The following MET variants were observed in gnomAD, a reference collection of about 807,000 sequenced individuals.
MET encodes the protein MET proto-oncogene, receptor tyrosine kinase.
A neutral mutation model predicts 133.1 loss-of-function variants in MET; 48 were observed. The observed-to-expected ratio is 0.36, with a 90% CI of 0.29 to 0.46. The LOEUF (loss-of-function observed/expected upper bound fraction) is 0.46. MET is among the 20% of genes least tolerant of loss of function. The pLI is 1.00. For synonymous variants in MET, 628 were observed against 616.5 expected, an observed-to-expected ratio of 1.02 and a Z score of -0.28; for missense variants, 1,442 against 1,695.9, an observed-to-expected ratio of 0.85 and a Z score of 2.63.
At chr7:116,754,943 G>GC (rs1794090643) in intron 5 of MET, among the ~76,000 whole-genome samples, 34 of 135,012 alleles carry the variant, frequency 2.5e-4, no homozygotes, top group South Asian at 9.5e-4. Flanking sequence ...AAGAAAGAAA[G>GC]AAAGAAAGAG....
intron 16 of MET, among the ~76,000 whole-genome samples, chr7:116,778,442 A>C (rs1000279027): frequency 6.6e-6 from 1 of 152,210 alleles, no homozygotes; most frequent in African/African-American, 2.4e-5. Context: ...AGTGTTCTAC[A>C]TGGTTAATTT....
At chr7:116,718,808 C>A (rs1217158089) in intron 2 of MET, among the ~76,000 whole-genome samples, 1 of 148,428 alleles carries the variant, frequency 6.7e-6, no homozygotes, top group Non-Finnish European at 1.5e-5. Context: ...CATGTCCCTA[C>A]AAAGGACGTG....
In MET at chr7:116,758,638, A is replaced by C; in HGVS notation, c.2264+18A>C. The stretch of plus-strand genomic sequence containing the variant: ...TTTATTAGGTAAGTAGAAGCTTCTG[A>C]TGGGTATAAGAAAACAATGAATACA... On this transcript the variant is annotated intron_variant, in intron 9 of 20. Coordinates refer to ENST00000397752, the MANE Select transcript of MET (RefSeq NM_000245.4). The C allele has an allele frequency of 6.2e-7, 1 of 1,610,442 alleles. No individual in the cohort carries two copies. The highest frequency in any genetic ancestry group is 8.5e-7 in the Non-Finnish European group (1 of 1,177,090).
chr7:116,744,481 G>C (rs1020603722), intron 5 of MET, among the ~76,000 whole-genome samples: 3 of 152,134 alleles, frequency 2.0e-5, no homozygotes, highest in Non-Finnish European at 4.4e-5. Context: ...GTGGAGACAA[G>C]ATTAGAGAAA....
Position 116,798,210 on chromosome 7 carries a change from A to G in MET, c.*2086A>G, listed in dbSNP as rs1795736393. Reference sequence around the variant, plus strand: ...CTGCAATGTGAAAATCACGTTTGCTATTTATAAACTTGTCCTTAGATTAAT... The same window carrying G: ...CTGCAATGTGAAAATCACGTTTGCTGTTTATAAACTTGTCCTTAGATTAAT... On this transcript the variant is annotated 3_prime_UTR_variant, in exon 21 of 21. Coordinates refer to ENST00000397752, the MANE Select transcript of MET (RefSeq NM_000245.4). 4.7e-6 allele frequency: 1 copy of G among 210,928 alleles called. No homozygotes were observed. The highest frequency in any genetic ancestry group is 9.7e-6 in the Non-Finnish European group (1 of 103,558). 13.1% of individuals were successfully genotyped at this position (210,928 alleles called of 1,614,324 possible).
chr7:116,773,207 A>T (rs1794888311), intron 14 of MET, among the ~76,000 whole-genome samples: 1 of 152,196 alleles, frequency 6.6e-6, no homozygotes, highest in Non-Finnish European at 1.5e-5. Flanking sequence ...AACAGGTAAA[A>T]GAGGGTCATT....
At chr7:116,781,231 GT>G (rs1398785484) in intron 17 of MET, among the ~76,000 whole-genome samples, 1 of 152,088 alleles carries the variant, frequency 6.6e-6, no homozygotes, top group Non-Finnish European at 1.5e-5. Flanking sequence ...TCTTGCTCAT[GT>G]TTTTCCCCTC....
chr7:116,742,648 G>A lies in MET; in HGVS notation c.1701+1623G>A, dbSNP rs996352712. Among the ~76,000 whole-genome samples, 3 of 152,280 alleles carry A rather than the reference G, an allele frequency of 2.0e-5. No homozygotes were observed. The East Asian group carries it at 5.8e-4, about 29-fold the overall frequency. On this transcript the variant is annotated intron_variant, in intron 5 of 20. Coordinates refer to ENST00000397752, the MANE Select transcript of MET (RefSeq NM_000245.4). The stretch of plus-strand genomic sequence containing the variant: ...CTAAGCATAAAAGCTATACTAAAAT[G>A]CTTAAAAATAAAGTAAATATTTCAG...
At chr7:116,703,778 T>C (rs1256991986) in intron 2 of MET, among the ~76,000 whole-genome samples, 2 of 152,092 alleles carry the variant, frequency 1.3e-5, no homozygotes, top group Non-Finnish European at 2.9e-5. Flanking sequence ...AATCCCCAAA[T>C]CAGCAAAGAT....
At chr7:116,774,854 C>A in intron 14 of MET, 27 bp from the exon 15 acceptor site, 1 of 1,574,078 alleles carries the variant, frequency 6.4e-7, no homozygotes, top group South Asian at 1.1e-5. Context: ...TACTGTTGTT[C>A]TTTAATAATT....
chr7:116,676,998 T>C (rs2116449693), intron 1 of MET, among the ~76,000 whole-genome samples: 1 of 151,628 alleles, frequency 6.6e-6, no homozygotes, highest in East Asian at 1.9e-4. Context: ...GTTTTTTTTT[T>C]TGTTTTTTTG....
chr7:116,678,709 T>G (rs1353818791), intron 1 of MET, among the ~76,000 whole-genome samples: 1 of 149,578 alleles, frequency 6.7e-6, no homozygotes, highest in Non-Finnish European at 1.5e-5. Context: ...GTTTTGGCTT[T>G]GCTTGGGACC....
intron 19 of MET, 68 bp from the exon 20 acceptor site, chr7:116,795,587 A>G (rs1013940744): frequency 6.2e-7 from 1 of 1,607,378 alleles, no homozygotes; most frequent in Non-Finnish European, 8.5e-7. Flanking sequence ...ACCAAGACCT[A>G]CTGATTTCCT....
chr7:116,722,765 T>C (rs934304491), intron 2 of MET, among the ~76,000 whole-genome samples: 8 of 151,972 alleles, frequency 5.3e-5, no homozygotes, highest in Non-Finnish European at 8.8e-5. Flanking sequence ...GGATATGAAA[T>C]TCTGGGTTGA....
intron 19 of MET, among the ~76,000 whole-genome samples, chr7:116,794,562 G>A (rs929304210): frequency 1.3e-5 from 2 of 152,180 alleles, no homozygotes; most frequent in Admixed American, 6.5e-5. Flanking sequence ...CAGTCGCAGC[G>A]TTCAAAGGCA....
chr7:116,676,347 T>C (rs533237918), intron 1 of MET, among the ~76,000 whole-genome samples: 1 of 152,198 alleles, frequency 6.6e-6, no homozygotes, highest in Non-Finnish European at 1.5e-5. Flanking sequence ...GAATCACAAG[T>C]TATCGTGAAA....
At chr7:116,727,924 A>C (rs184031477) in intron 2 of MET, among the ~76,000 whole-genome samples, 8 of 152,320 alleles carry the variant, frequency 5.3e-5, no homozygotes, top group Admixed American at 1.3e-4. Flanking sequence ...AGCTTAATCC[A>C]AGGTTTCCCT....
chr7:116,714,745 G>GCACA (rs142954535), intron 2 of MET, among the ~76,000 whole-genome samples: 2,679 of 145,040 alleles, frequency 0.018, 41 homozygotes, highest in African/African-American at 0.04. Flanking sequence ...TCACATGCAC[G>GCACA]CACACACACA....
intron 19 of MET, among the ~76,000 whole-genome samples, chr7:116,790,049 G>A (rs1267096603): frequency 2.0e-5 from 3 of 152,090 alleles, no homozygotes; most frequent in Non-Finnish European, 2.9e-5. Flanking sequence ...GAGAACTTGC[G>A]GTATTTGGTT....
Sources: gnomAD v4.1 joint callset for allele counts (sites outside exome capture counted in the v4.1 genomes callset) on GRCh38, gnomAD v4.1.1 for gene constraint, MANE v1.5 for transcripts, NCBI Gene and HGNC (gene_info 2026-07-23, HGNC 2026-07-21) for gene names.